The following HTT variants were observed in gnomAD, a reference collection of about 807,000 sequenced individuals.
HTT encodes huntington disease protein.
Under a neutral mutation model 362.3 loss-of-function variants are expected in HTT, and 104 were observed. The ratio of observed to expected loss-of-function variants is 0.29; its 90% CI spans 0.24 to 0.34. The LOEUF is 0.34. Ranked by LOEUF, HTT falls within the 10% of genes least tolerant of loss-of-function variation. HTT has a pLI of 1.00. For synonymous variants in HTT, 1,577 were observed against 1,548.7 expected, an observed-to-expected ratio of 1.02 and a Z score of -0.43; for missense variants, 3,301 against 3,928.6, an observed-to-expected ratio of 0.84 and a Z score of 4.27.
At chr4:3,239,751 C>G (rs778602955) in intron 66 of HTT, 95 bp from the exon 67 acceptor site, 57 of 1,049,870 alleles carry the variant, frequency 5.4e-5, no homozygotes, top group Non-Finnish European at 7.5e-5. Flanking sequence ...CCCTGGACCC[C>G]TTTGTAGACT....
intron 54 of HTT, among the ~76,000 whole-genome samples, chr4:3,222,850 T>C (rs1720742305): frequency 6.6e-6 from 1 of 152,248 alleles, no homozygotes; most frequent in Non-Finnish European, 1.5e-5. Flanking sequence ...GGTTTCATTT[T>C]TCTAATGTCT....
chr4:3,191,640 G>C (rs559736297), intron 40 of HTT, among the ~76,000 whole-genome samples: 2 of 152,244 alleles, frequency 1.3e-5, no homozygotes, highest in East Asian at 3.9e-4. Context: ...GGGAGTGGAA[G>C]GGGAACTAAA....
At chr4:3,150,669 T>C (rs920631464) in intron 26 of HTT, among the ~76,000 whole-genome samples, 1 of 152,222 alleles carries the variant, frequency 6.6e-6, no homozygotes, top group African/African-American at 2.4e-5. Context: ...GAAGAAAGTG[T>C]GTACCTTTGT....
intron 37 of HTT, among the ~76,000 whole-genome samples, chr4:3,183,170 C>T (rs1718607747): frequency 6.6e-6 from 1 of 152,256 alleles, no homozygotes; most frequent in African/African-American, 2.4e-5. Flanking sequence ...GTGTGAGCCA[C>T]CTCGCCTGGC....
At chr4:3,075,158 T>A (rs1712448886) in intron 1 of HTT, 70 bp downstream of exon 1, 2 of 1,183,480 alleles carry the variant, frequency 1.7e-6, no homozygotes, top group Non-Finnish European at 2.1e-6. Flanking sequence ...GCGGTAACCC[T>A]GCAGCCTGCG....
intron 64 of HTT, 83 bp from the exon 65 acceptor site, chr4:3,238,364 G>A: frequency 1.9e-6 from 2 of 1,042,290 alleles, no homozygotes; most frequent in East Asian, 2.7e-5. Context: ...ATTTTCCCCA[G>A]TATTAGAGCC....
Position 3,236,183 on chromosome 4 carries a change from C to G in HTT, c.8820C>G (p.Asp2940Glu), listed in dbSNP as rs764098014. 10 of 1,614,028 alleles carry G rather than the reference C, an allele frequency of 6.2e-6. No individual in the cohort carries two copies. Among genetic ancestry groups the G allele is most frequent in the South Asian group, 3.3e-5 (3 of 91,082 alleles). ...AAGTCAGTCCGGGTAGAACTTCAGA[C>G]CCTAATCCTGCAGCCCCCGACAGCG... ...KEKVSPGRTS[D>E]PNPAAPDSES... The change falls in exon 64 of 67, where the codon GAC (aspartate) becomes GAG (glutamate). Residue 2940 changes from aspartate to glutamate, a missense_variant. Around this residue, in one of 4 missense-constraint regions of HTT, gnomAD observed 753 missense variants for 1,021.3 expected, o/e 0.74. Coordinates refer to ENST00000355072, the MANE Select transcript of HTT (RefSeq NM_001388492.1).
chr4:3,148,398 T>G (rs1209936515), intron 26 of HTT, among the ~76,000 whole-genome samples, 191 bp downstream of exon 26: 1 of 152,192 alleles, frequency 6.6e-6, no homozygotes, highest in Non-Finnish European at 1.5e-5. Context: ...GTGCCTGTTA[T>G]TCCAGCACTT....
chr4:3,154,266 T>C, intron 26 of HTT, 27 bp from the exon 27 acceptor site: 1 of 1,520,398 alleles, frequency 6.6e-7, no homozygotes, highest in South Asian at 1.3e-5. Flanking sequence ...TGTTTTTTTG[T>C]TTTTTGTTTT....
chr4:3,175,869 A>G (rs765433066), intron 33 of HTT, among the ~76,000 whole-genome samples: 2 of 152,016 alleles, frequency 1.3e-5, no homozygotes, highest in Admixed American at 6.5e-5. Flanking sequence ...ACACTTCTCT[A>G]TTTCCTTCTA....
chr4:3,228,630 G>T lies in HTT; in HGVS notation c.7864G>T (p.Val2622Leu). ...TCTGTGGCAGGTGTCCATACACTCCGTGTGGCTGGGGAACAGCATCACACC... is the reference window on the plus strand; with the variant it reads ...TCTGTGGCAGGTGTCCATACACTCCTTGTGGCTGGGGAACAGCATCACACC... ...YKLGQVSIHS[V>L]WLGNSITPLR... is the part of the protein sequence containing the mutation. Residue 2622 changes from valine to leucine, a missense_variant, in exon 58 of 67, where the codon GTG becomes TTG. By Grantham distance (32) the Val-to-Leu change is conservative. Around this residue, in one of 4 missense-constraint regions of HTT, gnomAD observed 753 missense variants for 1,021.3 expected, o/e 0.74. Transcript: ENST00000355072. The surrounding 1 kb of genome is among the most constrained non-coding windows in gnomAD (Gnocchi z 4.3). The T allele has an allele frequency of 1.9e-6, 3 of 1,584,202 alleles. No homozygotes were observed. The highest frequency in any genetic ancestry group is 2.2e-5 in the East Asian group (1 of 44,674).
At chr4:3,168,664 G>GT (rs779642569) in intron 29 of HTT, among the ~76,000 whole-genome samples, 5 of 151,958 alleles carry the variant, frequency 3.3e-5, no homozygotes, top group Admixed American at 6.6e-5. Context: ...CATTTTATAT[G>GT]TTTTGTCTGG....
rs756171588 is a variant in HTT at position 3,142,780 on chromosome 4, A to G, written c.2960A>G (p.Tyr987Cys). ...TTTGTTATTAGAATATATAGAGGCT[A>G]TAACCTACTACCAAGCATAACAGAC... ...VSTITRIYRG[Y>C]NLLPSITDVT... is the part of the protein sequence containing the mutation. The change falls in exon 23 of 67, where the codon TAT becomes TGT. Residue 987 changes from tyrosine to cysteine, a missense_variant. Coordinates refer to ENST00000355072, the MANE Select transcript of HTT (RefSeq NM_001388492.1). 7 of 1,514,154 alleles carry G rather than the reference A, an allele frequency of 4.6e-6. No homozygotes were observed. The highest frequency in any genetic ancestry group is 4.5e-5 in the South Asian group (4 of 88,990). 93.8% of individuals were successfully genotyped at this position (1,514,154 alleles called of 1,614,324 possible). A position where few individuals can be genotyped will look rare whatever the true frequency, so the allele number is the denominator to read the frequency against.
At chr4:3,169,865 T>C (rs1175201008) in intron 29 of HTT, among the ~76,000 whole-genome samples, 2 of 152,246 alleles carry the variant, frequency 1.3e-5, no homozygotes, top group Admixed American at 6.5e-5. Context: ...TGAGCCACCG[T>C]GTCTGGCCCC....
chr4:3,177,259 CAGG>C lies in HTT; in HGVS notation c.4408-68_4408-66del. 3 of 957,682 alleles carry C rather than the reference CAGG, an allele frequency of 3.1e-6. No homozygotes were observed. In the South Asian group the frequency reaches 4.2e-5, roughly 13 times the overall value. 59.3% of individuals were successfully genotyped at this position (957,682 alleles called of 1,614,324 possible). A position where few individuals can be genotyped will look rare whatever the true frequency, so the allele number is the denominator to read the frequency against. The stretch of plus-strand genomic sequence containing the variant: ...TTTATTTAAAATTTATGCAGATAAG[CAGG>C]AGGAAAAGAAGCCTGGTTTTTACAT... On this transcript the variant is annotated intron_variant, in intron 33 of 66. Transcript: ENST00000355072.
intron 3 of HTT, among the ~76,000 whole-genome samples, chr4:3,103,031 C>T (rs910043506): frequency 1.3e-5 from 2 of 151,912 alleles, no homozygotes; most frequent in Non-Finnish European, 2.9e-5. Context: ...AGGACTCCGC[C>T]TTGGGAAGTG....
At chr4:3,179,702 C>T (rs1185090735) in intron 35 of HTT, among the ~76,000 whole-genome samples, 15 of 138,490 alleles carry the variant, frequency 1.1e-4, no homozygotes, top group South Asian at 2.4e-4. Context: ...TGTGTGTGTG[C>T]TCATGTGTGT....
Position 3,236,261 on chromosome 4 carries a change from A to G in HTT, c.8891+7A>G, listed in dbSNP as rs1721525003. 2.0e-5 allele frequency: 31 copies of G among 1,585,986 alleles called. No individual in the cohort carries two copies. The highest frequency in any genetic ancestry group is 2.7e-5 in the Non-Finnish European group (31 of 1,154,422). ...TATCTGTTCTTTTTGATAGGTAAGA[A>G]GCGAAGCCCCATCCCTCAGCCGTTA... On this transcript the variant is annotated splice_region_variant and intron_variant, in intron 64 of 66. Coordinates refer to ENST00000355072, the MANE Select transcript of HTT (RefSeq NM_001388492.1).
intron 59 of HTT, 143 bp downstream of exon 59, chr4:3,229,152 GCACCATAGACACCACACA>G (rs1456306620): frequency 1.3e-6 from 1 of 745,982 alleles, no homozygotes; most frequent in Non-Finnish European, 2.1e-6. Context: ...CAGGCCACAC[GCACCATAGACACCACACA>G]CACATGCCAC....
Sources: allele counts gnomAD v4.1 joint callset (sites outside exome capture counted in the v4.1 genomes callset), GRCh38; gene constraint gnomAD v4.1.1; regional missense constraint gnomAD v4.1.1; non-coding constraint Gnocchi (gnomAD v3.1); transcripts MANE v1.5; gene names NCBI Gene and HGNC (gene_info 2026-07-23, HGNC 2026-07-21).